FAM169A: variants seen among roughly 807,000 people sequenced by gnomAD.
FAM169A encodes soluble lamin-associated protein of 75 kDa.
In FAM169A, 24 loss-of-function variants were observed where a neutral mutation model predicts 75.7. The ratio of observed to expected loss-of-function variants is 0.32; its 90% confidence interval spans 0.23 to 0.45. The LOEUF (loss-of-function observed/expected upper bound fraction) is 0.45, where lower values mean the gene tolerates loss of function less well. FAM169A is among the 20% of genes least tolerant of loss of function. FAM169A has a pLI of 1.00. For missense variants in FAM169A, 673 were observed against 784.0 expected (o/e 0.86, Z 1.69); for synonymous variants, 271 against 271.0 (o/e 1.00, Z 0.00).
rs2112543433 is a variant in FAM169A, at chr5:74,805,132, T to A, written c.799+24A>T. 4 of 1,607,902 alleles carry A rather than the reference T, an allele frequency of 2.5e-6. No individual in the cohort carries two copies. In the South Asian group the frequency reaches 4.4e-5, roughly 18 times the overall value. On this transcript the variant is annotated intron_variant, in intron 7 of 12. Transcript: ENST00000687041. ...ACCAAAAATAAATAAACTGAACTTA[T>A]GTTCAAACTGAAAACACTCTTACCT...
Position 74,779,576 on chromosome 5 carries a change from A to G in FAM169A, c.*1884T>C, listed in dbSNP as rs1287760147. On this transcript the variant is annotated 3_prime_UTR_variant, in exon 13 of 13. Coordinates refer to ENST00000687041, the MANE Select transcript of FAM169A (RefSeq NM_001376049.1). ...TTGACAGAAGTTTCTCATAAAATGT[A>G]TAAAACAGCATAAATGTTTGGTAGA... 6.6e-6 allele frequency: 1 copy of G among 152,140 alleles called. No individual in the cohort carries two copies. The highest frequency in any genetic ancestry group is 1.5e-5 in the Non-Finnish European group (1 of 68,004). 9.4% of individuals were successfully genotyped at this position (152,140 alleles called of 1,614,324 possible).
chr5:74,839,123 A>G, intron 3 of FAM169A, 73 bp from the exon 4 acceptor site: 1 of 1,005,214 alleles, frequency 9.9e-7, no homozygotes, highest in Non-Finnish European at 1.6e-6. Flanking sequence ...GCCATATTGT[A>G]CTATAAAGTA....
intron 1 of FAM169A, among the ~76,000 whole-genome samples, chr5:74,847,841 C>CA (rs1341753371): frequency 6.6e-6 from 1 of 152,076 alleles, no homozygotes. Flanking sequence ...TTATTACTGT[C>CA]AAAGATTTTT....
At chr5:74,862,778 G>T (rs1481970490) in intron 1 of FAM169A, among the ~76,000 whole-genome samples, 1 of 152,128 alleles carries the variant, frequency 6.6e-6, no homozygotes, top group Admixed American at 6.5e-5. Flanking sequence ...TTTTAAAAAT[G>T]CAATTTGCTA....
At position 74,780,756 on chromosome 5, in the gene FAM169A, C is replaced by T. The variant is rs1300325158; in HGVS notation, c.*704G>A. 1 of 152,142 alleles carries T rather than the reference C, an allele frequency of 6.6e-6. No individual in the cohort carries two copies. Among genetic ancestry groups the T allele is most frequent in the Non-Finnish European group, 1.5e-5 (1 of 68,028 alleles). 9.4% of individuals were successfully genotyped at this position (152,142 alleles called of 1,614,324 possible). A position where few individuals can be genotyped will look rare whatever the true frequency, so the allele number is the denominator to read the frequency against. ...TCAAATGAAATTTTAAATAATTAGT[C>T]CCCACATGCCACAGTTAAATCCCTG... is the stretch of plus-strand genomic sequence containing the variant. On this transcript the variant is annotated 3_prime_UTR_variant, in exon 13 of 13. Coordinates refer to ENST00000687041, the MANE Select transcript of FAM169A (RefSeq NM_001376049.1).
At chr5:74,828,523 C>A (rs1018307648) in intron 5 of FAM169A, among the ~76,000 whole-genome samples, 4 of 152,152 alleles carry the variant, frequency 2.6e-5, no homozygotes, top group Admixed American at 2.6e-4. Context: ...AGGAGCAGGT[C>A]TTTTCCCAGA....
chr5:74,800,345 T>C (rs186452883), intron 10 of FAM169A, among the ~76,000 whole-genome samples: 1 of 152,084 alleles, frequency 6.6e-6, no homozygotes, highest in East Asian at 1.9e-4. Flanking sequence ...TCACACTAAC[T>C]TAAAAGACAG....
chr5:74,807,297 C>CA (rs1217118741), intron 6 of FAM169A, among the ~76,000 whole-genome samples: 1 of 152,172 alleles, frequency 6.6e-6, no homozygotes, highest in African/African-American at 2.4e-5. Context: ...TCATCTAACA[C>CA]AAAGCCTATT....
chr5:74,798,416 T>C (rs928246412), intron 10 of FAM169A, among the ~76,000 whole-genome samples: 1 of 152,216 alleles, frequency 6.6e-6, no homozygotes, highest in African/African-American at 2.4e-5. Context: ...ATCAAAATAT[T>C]GCTCAGTGAG....
chr5:74,829,582 T>C (rs769036387), intron 5 of FAM169A, among the ~76,000 whole-genome samples: 8 of 152,038 alleles, frequency 5.3e-5, no homozygotes, highest in Non-Finnish European at 7.4e-5. Context: ...CAATTGAGCC[T>C]AGGAGGTTGA....
At chr5:74,820,523 C>G (rs866027555) in intron 5 of FAM169A, among the ~76,000 whole-genome samples, 6 of 152,182 alleles carry the variant, frequency 3.9e-5, no homozygotes, top group South Asian at 4.1e-4. Flanking sequence ...CCTTCACAGC[C>G]CACGTACAAT....
In FAM169A at chr5:74,804,602, A is replaced by G; in HGVS notation, c.803T>C (p.Leu268Pro). 3.2e-6 allele frequency: 5 copies of G among 1,560,376 alleles called. No homozygotes were observed. The highest frequency in any genetic ancestry group is 4.4e-6 in the Non-Finnish European group (5 of 1,133,564). ...LQREALKILA[L>P]SQNEPKRPMS... Reference sequence around the variant, plus strand: ...AGGTCTTTTAGGTTCATTTTGAGAAAGTGCTGCGTATAGAAGAATTTTAAA... The same window carrying G: ...AGGTCTTTTAGGTTCATTTTGAGAAGGTGCTGCGTATAGAAGAATTTTAAA... The change falls in exon 8 of 13, where the codon CTT becomes CCT. Residue 268 changes from leucine to proline, a missense_variant. Transcript: ENST00000687041.
At chr5:74,787,963 C>T (rs561157886) in intron 11 of FAM169A, among the ~76,000 whole-genome samples, 1 of 152,142 alleles carries the variant, frequency 6.6e-6, no homozygotes, top group African/African-American at 2.4e-5. Context: ...AATGAAGCCC[C>T]TTGAGGAAGG....
At chr5:74,798,580 A>G (rs1042031010) in intron 10 of FAM169A, among the ~76,000 whole-genome samples, 3 of 152,256 alleles carry the variant, frequency 2.0e-5, no homozygotes, top group Non-Finnish European at 4.4e-5. Context: ...GCACAGCTAC[A>G]GAATTCTCTA....
rs531799690 is a variant in FAM169A, at chr5:74,780,965, T to A, written c.*495A>T. Reference sequence around the variant, plus strand: ...TTTTGTGCTCTCATTTACTTGAAGTTATATTTTTTCTAATTTATTGACACT... The same window carrying A: ...TTTTGTGCTCTCATTTACTTGAAGTAATATTTTTTCTAATTTATTGACACT... On this transcript the variant is annotated 3_prime_UTR_variant, in exon 13 of 13. Coordinates refer to ENST00000687041, the MANE Select transcript of FAM169A (RefSeq NM_001376049.1). 1.3e-5 allele frequency: 2 copies of A among 152,666 alleles called. No homozygotes were observed. The highest frequency in any genetic ancestry group is 4.1e-4 in the South Asian group (2 of 4,846). The allele number at this position is 152,666 out of a possible 1,614,324, so 9.5% of individuals were successfully genotyped here.
At chr5:74,857,376 C>T (rs1221571451) in intron 1 of FAM169A, among the ~76,000 whole-genome samples, 1 of 151,636 alleles carries the variant, frequency 6.6e-6, no homozygotes, top group Admixed American at 6.6e-5. Flanking sequence ...CACGGCAAAA[C>T]CCCGTCTCTA....
chr5:74,866,387 T>C lies in FAM169A; in HGVS notation c.-226A>G. On this transcript the variant is annotated 5_prime_UTR_variant, in exon 1 of 13. Transcript: ENST00000687041. ...CGTGCCCTCCGACGACGTGACGCACTAGCGCCGCAGCGCCTCCAGCCTTCG... is the reference window on the plus strand; with the variant it reads ...CGTGCCCTCCGACGACGTGACGCACCAGCGCCGCAGCGCCTCCAGCCTTCG... 1 of 983,804 alleles carries C rather than the reference T, an allele frequency of 1.0e-6. No individual in the cohort carries two copies. Among genetic ancestry groups the C allele is most frequent in the South Asian group, 4.7e-5 (1 of 21,280 alleles). The allele number at this position is 983,804 out of a possible 1,614,324, so 60.9% of individuals were successfully genotyped here.
chr5:74,790,391 G>T (rs535131291), intron 11 of FAM169A, among the ~76,000 whole-genome samples: 2 of 152,322 alleles, frequency 1.3e-5, no homozygotes, highest in East Asian at 3.9e-4. Flanking sequence ...ATAGACAGAT[G>T]TGTGATAATA....
chr5:74,783,395 A>G (rs1039103018), intron 11 of FAM169A, among the ~76,000 whole-genome samples: 28 of 152,198 alleles, frequency 1.8e-4, no homozygotes, highest in Non-Finnish European at 2.9e-5. Flanking sequence ...TGCTCTGTGG[A>G]CACACAGTAT....
Sources: gnomAD v4.1 joint callset for allele counts (sites outside exome capture counted in the v4.1 genomes callset) on GRCh38, gnomAD v4.1.1 for gene constraint, MANE v1.5 for transcripts, NCBI Gene and HGNC (gene_info 2026-07-23, HGNC 2026-07-21) for gene names.